The following GFI1B variants were observed in gnomAD, a reference collection of about 807,000 sequenced individuals.
GFI1B encodes the protein growth factor independent 1B transcriptional repressor, also known as zinc finger protein Gfi-1b.
GFI1B carries 20 observed loss-of-function variants against 35.3 expected under a neutral mutation model. That is an observed-to-expected ratio of 0.57 (90% CI 0.40 to 0.82). The LOEUF is 0.82. Ranked by LOEUF, GFI1B falls within the 40% of genes least tolerant of loss-of-function variation. The probability of loss-of-function intolerance (pLI) is 0.00; values close to 1 mark genes in which losing one functional copy is unlikely to be tolerated. For synonymous variants in GFI1B, 178 were observed against 177.6 expected (o/e 1.00, Z -0.02); for missense variants, 430 against 446.3 (o/e 0.96, Z 0.33).
chr9:132,993,007 AC>A (rs911274671), downstream of GFI1B, among the ~76,000 whole-genome samples: 5 of 151,388 alleles, frequency 3.3e-5, no homozygotes, highest in African/African-American at 1.2e-4. Flanking sequence ...TAAAAAAAAA[AC>A]ACAGATATGG....
In GFI1B at chr9:132,989,090, G is replaced by T. The variant is rs146270572; in HGVS notation, c.540G>T (p.Val180=). The part of the protein sequence containing the change: ...KVFSTPHGLE[V]HVRRSHSGTR... ...TCTCCACCCCTCACGGGCTCGAAGT[G>T]CATGTGCGACGCTCCCATAGTGGGA... The change falls in exon 5 of 7, where the codon GTG becomes GTT. Residue 180 remains valine, a synonymous_variant. Coordinates refer to ENST00000372122, the MANE Select transcript of GFI1B (RefSeq NM_001377304.1). The surrounding 1 kb of genome is among the most constrained non-coding windows in gnomAD (Gnocchi z 6.2). 2.4e-5 allele frequency: 38 copies of T among 1,613,940 alleles called. No homozygotes were observed. The highest frequency in any genetic ancestry group is 6.6e-5 in the South Asian group (6 of 91,090).
At chr9:132,983,422 C>T (rs1422807585) in intron 1 of GFI1B, among the ~76,000 whole-genome samples, 1 of 152,018 alleles carries the variant, frequency 6.6e-6, no homozygotes, top group Non-Finnish European at 1.5e-5. Context: ...GTCTCGAACT[C>T]CTGATCTTGT....
At chr9:132,988,954 GT>G in intron 4 of GFI1B, 106 bp from the exon 5 acceptor site, 8 of 1,101,734 alleles carry the variant, frequency 7.3e-6, no homozygotes, top group African/African-American at 1.5e-5. Flanking sequence ...CCCTTACTCT[GT>G]GTACCCAGCC....
intron 1 of GFI1B, among the ~76,000 whole-genome samples, chr9:132,979,947 C>G (rs926413027): frequency 1.3e-5 from 2 of 152,148 alleles, no homozygotes; most frequent in African/African-American, 4.8e-5. Context: ...TGCACCTGAC[C>G]GCCTGGACGC....
Position 132,989,972 on chromosome 9 carries a change from A to G in GFI1B, c.814+65A>G, listed in dbSNP as rs681470. 0.15 allele frequency: 216,625 copies of G among 1,419,072 alleles called. 19,748 individuals carry two copies. Among genetic ancestry groups the G allele is most frequent in the African/African-American group, 0.4 (28,136 of 71,198 alleles). The allele number at this position is 1,419,072 out of a possible 1,614,324, so 87.9% of individuals were successfully genotyped here. A position where few individuals can be genotyped will look rare whatever the true frequency, so the allele number is the denominator to read the frequency against. On this transcript the variant is annotated intron_variant, in intron 6 of 6. Transcript: ENST00000372122. This position sits in a 1 kb window ranked among gnomAD's most constrained non-coding sequence, Gnocchi z 6.2. ...ACCCCCACCTTTCCCTGAGAGATGC[A>G]TCAGAGGCCCCCAGCGTGAGGCTGG...
chr9:132,969,227 C>G (rs1213717449), intron 1 of GFI1B, among the ~76,000 whole-genome samples: 3 of 152,100 alleles, frequency 2.0e-5, no homozygotes, highest in Admixed American at 6.6e-5. Flanking sequence ...GACTGGGTTT[C>G]GCCATGTTGG....
At chr9:132,959,514 C>T (rs1848334030) in intron 1 of GFI1B, among the ~76,000 whole-genome samples, 1 of 152,204 alleles carries the variant, frequency 6.6e-6, no homozygotes, top group Admixed American at 6.5e-5. Context: ...GAATATCTAG[C>T]AGAGTGCCCA....
At position 132,948,811 on chromosome 9, in the gene GFI1B, G is replaced by A. The variant is rs1189242033; in HGVS notation, c.-701+3142G>A. Among the ~76,000 whole-genome samples, 4 of 152,282 alleles carry A rather than the reference G, an allele frequency of 2.6e-5. No individual in the cohort carries two copies. In the East Asian group the frequency reaches 7.7e-4, roughly 29 times the overall value. On this transcript the variant is annotated intron_variant, in intron 1 of 10. Coordinates refer to the GFI1B transcript ENST00000339463. Reference sequence around the variant, plus strand: ...GGCTTAGGCCGTCTCCTCTCCCTCCGCACCAGATGGCCTCTGCAGCCTGTG... The same window carrying A: ...GGCTTAGGCCGTCTCCTCTCCCTCCACACCAGATGGCCTCTGCAGCCTGTG...
At chr9:132,990,270 TTCATTCATTTGC>T (rs1849245657) in intron 6 of GFI1B, among the ~76,000 whole-genome samples, 1 of 151,700 alleles carries the variant, frequency 6.6e-6, no homozygotes, top group South Asian at 2.1e-4. Context: ...TGTTCACTCA[TTCATTCATTTGC>T]TCATTCATTT....
At chr9:132,988,937 C>T (rs1849180803) in intron 4 of GFI1B, 124 bp from the exon 5 acceptor site, 1 of 906,776 alleles carries the variant, frequency 1.1e-6, no homozygotes, top group Non-Finnish European at 1.8e-6. Context: ...AACTGGCAAT[C>T]CAGTGCCCCT....
chr9:132,954,364 C>A (rs1353698259), intron 1 of GFI1B, among the ~76,000 whole-genome samples: 1 of 152,056 alleles, frequency 6.6e-6, no homozygotes, highest in Non-Finnish European at 1.5e-5. Flanking sequence ...TGCTTAAGGT[C>A]AGGAGTTGGA....
At chr9:132,950,524 C>T (rs12340622) in intron 1 of GFI1B, among the ~76,000 whole-genome samples, 7 of 147,206 alleles carry the variant, frequency 4.8e-5, no homozygotes, top group South Asian at 2.1e-4. Flanking sequence ...AGGCCAGGCT[C>T]GGTGGCTCAC....
intron 1 of GFI1B, among the ~76,000 whole-genome samples, chr9:132,961,623 G>A (rs1484706896): frequency 2.8e-5 from 4 of 140,570 alleles, no homozygotes; most frequent in African/African-American, 8.1e-5. Context: ...ACGGAGTCTC[G>A]CTCTGTCGCC....
chr9:132,956,101 G>A (rs927630156), intron 1 of GFI1B, among the ~76,000 whole-genome samples: 1 of 152,160 alleles, frequency 6.6e-6, no homozygotes, highest in African/African-American at 2.4e-5. Flanking sequence ...CCAAAAACAC[G>A]TTTGACCACA....
intron 3 of GFI1B, 21 bp from the exon 4 acceptor site, chr9:132,988,175 GC>G: frequency 6.2e-7 from 1 of 1,611,086 alleles, no homozygotes; most frequent in Non-Finnish European, 8.5e-7. Flanking sequence ...GAGTAACCAG[GC>G]CTGTGTCGTT....
intron 1 of GFI1B, among the ~76,000 whole-genome samples, chr9:132,968,682 A>T (rs565632594): frequency 6.6e-6 from 1 of 152,186 alleles, no homozygotes; most frequent in Non-Finnish European, 1.5e-5. Flanking sequence ...ATCGCAAGGT[A>T]GGAACATTCC....
At chr9:132,983,437 C>T (rs1189789368) in intron 1 of GFI1B, among the ~76,000 whole-genome samples, 3 of 152,002 alleles carry the variant, frequency 2.0e-5, no homozygotes, top group African/African-American at 4.8e-5. Flanking sequence ...TCTTGTGATC[C>T]GTCCGCCTCG....
At chr9:132,971,537 T>C (rs761454276) in intron 1 of GFI1B, among the ~76,000 whole-genome samples, 8 of 152,034 alleles carry the variant, frequency 5.3e-5, no homozygotes, top group Non-Finnish European at 8.8e-5. Flanking sequence ...AAGCAAAGGG[T>C]CAATGTGGAT....
chr9:132,988,107 A>T, intron 3 of GFI1B, 90 bp from the exon 4 acceptor site: 1 of 1,243,208 alleles, frequency 8.0e-7, no homozygotes, highest in Admixed American at 1.7e-5. Context: ...CAGCCTCCCA[A>T]AGTGCTGGAA....
Sources: allele counts gnomAD v4.1 joint callset (sites outside exome capture counted in the v4.1 genomes callset), GRCh38; gene constraint gnomAD v4.1.1; non-coding constraint Gnocchi (gnomAD v3.1); transcripts MANE v1.5; gene names NCBI Gene and HGNC (gene_info 2026-07-23, HGNC 2026-07-21).